The following PDZD2 variants were observed in gnomAD, a reference collection of about 807,000 sequenced individuals.
PDZD2 encodes PDZ domain-containing protein 2.
In PDZD2, 90 loss-of-function variants were observed where a neutral mutation model predicts 220.7. The observed-to-expected ratio is 0.41, with a 90% CI of 0.34 to 0.49. The LOEUF (loss-of-function observed/expected upper bound fraction) is 0.49. PDZD2 is among the 20% of genes least tolerant of loss of function. The pLI is 0.28. For synonymous variants in PDZD2, 1,375 were observed against 1,450.5 expected (o/e 0.95, Z 1.18); for missense variants, 3,174 against 3,608.5 (o/e 0.88, Z 3.08).
chr5:32,106,529 T>C (rs1168766988), intron 24 of PDZD2: 3 of 152,230 alleles, frequency 2.0e-5, no homozygotes, highest in African/African-American at 7.2e-5. Context: ...ACAGATATCA[T>C]CATCACCATT....
intron 1 of PDZD2, among the ~76,000 whole-genome samples, chr5:31,749,274 T>G (rs1466604364): frequency 6.6e-6 from 1 of 152,172 alleles, no homozygotes; most frequent in Admixed American, 6.5e-5. Flanking sequence ...GGCCCACAGA[T>G]ACTTGTTTGT....
intron 2 of PDZD2, among the ~76,000 whole-genome samples, chr5:31,869,761 G>A (rs1291767208): frequency 6.6e-6 from 1 of 152,130 alleles, no homozygotes; most frequent in Admixed American, 6.5e-5. Context: ...AGCCCTCTCT[G>A]GCTCTTATTG....
chr5:31,754,856 T>G (rs77208368), intron 1 of PDZD2, among the ~76,000 whole-genome samples: 10,165 of 152,246 alleles, frequency 0.067, 448 homozygotes, highest in Non-Finnish European at 0.1. Flanking sequence ...CCTAAGTGTT[T>G]CTGTGAAATG....
chr5:31,788,493 G>A (rs185460392), intron 1 of PDZD2, among the ~76,000 whole-genome samples: 2,550 of 151,988 alleles, frequency 0.017, 65 homozygotes, highest in African/African-American at 0.058. Flanking sequence ...GTGAAACCCC[G>A]TCTCTACTAA....
intron 2 of PDZD2, among the ~76,000 whole-genome samples, chr5:31,867,395 G>A (rs1738323078): frequency 6.6e-6 from 1 of 152,064 alleles, no homozygotes; most frequent in Admixed American, 6.6e-5. Context: ...GGTTGGGCTG[G>A]GTGAGTTAGT....
intron 2 of PDZD2, among the ~76,000 whole-genome samples, chr5:31,963,321 A>AT (rs1300961127): frequency 3.3e-5 from 5 of 152,148 alleles, no homozygotes; most frequent in Non-Finnish European, 2.9e-5. Flanking sequence ...GAAAAACTTG[A>AT]TTTTTTCCTT....
At chr5:31,720,360 G>A (rs1451911569) in intron 1 of PDZD2, among the ~76,000 whole-genome samples, 2 of 152,098 alleles carry the variant, frequency 1.3e-5, no homozygotes, top group Non-Finnish European at 2.9e-5. Flanking sequence ...CAGTCTAATG[G>A]AATAAACAGA....
intron 1 of PDZD2, among the ~76,000 whole-genome samples, chr5:31,737,329 C>T (rs558185588): frequency 4.0e-5 from 6 of 151,836 alleles, no homozygotes; most frequent in Non-Finnish European, 5.9e-5. Flanking sequence ...CCCACCACCA[C>T]GCCCAGCTAA....
intron 6 of PDZD2, among the ~76,000 whole-genome samples, chr5:32,035,599 T>C (rs924396496): frequency 2.6e-5 from 4 of 151,992 alleles, no homozygotes; most frequent in African/African-American, 9.7e-5. Context: ...CCCTCCTGAA[T>C]AGCTGGGACT....
intron 2 of PDZD2, among the ~76,000 whole-genome samples, chr5:31,862,852 A>G (rs62361590): frequency 0.042 from 6,390 of 151,942 alleles, 158 homozygotes; most frequent in Non-Finnish European, 0.054. Flanking sequence ...TCAGCCTCCT[A>G]AGTAGCTGGG....
chr5:31,643,219 A>T (rs1393976355), intron 1 of PDZD2, among the ~76,000 whole-genome samples: 1 of 152,178 alleles, frequency 6.6e-6, no homozygotes, highest in Non-Finnish European at 1.5e-5. Context: ...GCCCAGTGGA[A>T]TGGAGAAGGC....
At chr5:31,697,074 A>T (rs370947720) in intron 1 of PDZD2, among the ~76,000 whole-genome samples, 27 of 152,368 alleles carry the variant, frequency 1.8e-4, no homozygotes, top group African/African-American at 6.3e-4. Flanking sequence ...TCAGCCTGAG[A>T]AAGGCCAGAG....
At chr5:31,742,516 C>T (rs1252559845) in intron 1 of PDZD2, among the ~76,000 whole-genome samples, 1 of 150,288 alleles carries the variant, frequency 6.7e-6, no homozygotes, top group East Asian at 2.0e-4. Flanking sequence ...CAACCCTCAG[C>T]AACCCCCTCC....
chr5:32,058,190 AT>A (rs2112330944), intron 12 of PDZD2, 87 bp downstream of exon 12: 1 of 737,180 alleles, frequency 1.4e-6, no homozygotes, highest in Non-Finnish European at 2.4e-6. Flanking sequence ...TTGTTGTTCT[AT>A]GAATTATTCC....
Position 31,739,294 on chromosome 5 carries a change from T to A in PDZD2, c.-360-59595T>A, listed in dbSNP as rs933805925. ...TGCCCTGTCAACACATGATTCGTTG[T>A]CTTTAAATACATCCTGCAGAACTAA... is the stretch of plus-strand genomic sequence containing the variant. On this transcript the variant is annotated intron_variant, in intron 1 of 24. Transcript: ENST00000438447. Among the ~76,000 whole-genome samples the A allele has an allele frequency of 2.6e-5, 4 of 152,208 alleles. No homozygotes were observed. In the East Asian group the frequency reaches 7.7e-4, roughly 29 times the overall value.
intron 1 of PDZD2, among the ~76,000 whole-genome samples, chr5:31,669,015 G>A (rs1418507417): frequency 6.6e-6 from 1 of 152,110 alleles, no homozygotes; most frequent in Admixed American, 6.5e-5. Flanking sequence ...CTCTGCGATG[G>A]GTGACTTTGC....
At chr5:31,761,053 G>A (rs1262865534) in intron 1 of PDZD2, among the ~76,000 whole-genome samples, 1 of 152,176 alleles carries the variant, frequency 6.6e-6, no homozygotes, top group East Asian at 1.9e-4. Flanking sequence ...CGTGTGGGGA[G>A]GGGCACATAG....
intron 1 of PDZD2, among the ~76,000 whole-genome samples, chr5:31,684,326 T>C (rs1746766131): frequency 6.6e-6 from 1 of 152,144 alleles, no homozygotes; most frequent in Non-Finnish European, 1.5e-5. Context: ...CCCAGTTACT[T>C]TGACCAAAGC....
chr5:31,758,099 C>G (rs971770861), intron 1 of PDZD2, among the ~76,000 whole-genome samples: 1 of 152,244 alleles, frequency 6.6e-6, no homozygotes, highest in Non-Finnish European at 1.5e-5. Context: ...CTGGCAGCTC[C>G]GTCCAAGAGC....
Sources: allele counts gnomAD v4.1 joint callset (sites outside exome capture counted in the v4.1 genomes callset), GRCh38; gene constraint gnomAD v4.1.1; transcripts MANE v1.5; gene names NCBI Gene and HGNC (gene_info 2026-07-23, HGNC 2026-07-21).